The following GMDS variants were observed in gnomAD, a reference collection of about 807,000 sequenced individuals.
The protein encoded by GMDS is GDP-mannose 4,6 dehydratase.
A neutral mutation model predicts 49.9 loss-of-function variants in GMDS; 20 were observed. The observed-to-expected ratio is 0.40, with a 90% CI of 0.28 to 0.58. The LOEUF is 0.58. Ranked by LOEUF, GMDS falls within the 20% of genes least tolerant of loss-of-function variation. The probability of loss-of-function intolerance (pLI) is 0.42; values close to 1 mark genes in which losing one functional copy is unlikely to be tolerated. For missense variants in GMDS, 362 were observed against 481.4 expected (o/e 0.75, Z 2.32); for synonymous variants, 177 against 178.6 (o/e 0.99, Z 0.07).
chr6:2,159,949 T>C (rs1777309447), intron 1 of GMDS, among the ~76,000 whole-genome samples: 1 of 152,142 alleles, frequency 6.6e-6, no homozygotes, highest in Admixed American at 6.5e-5. Flanking sequence ...CTGTAATATA[T>C]AAAATATGCA....
At chr6:1,823,422 G>A (rs1042626324) in intron 7 of GMDS, among the ~76,000 whole-genome samples, 5 of 152,154 alleles carry the variant, frequency 3.3e-5, no homozygotes, top group Non-Finnish European at 7.3e-5. Flanking sequence ...AACTCATCAA[G>A]TCTAAAGTTT....
At chr6:2,235,414 T>C (rs549459693) in intron 1 of GMDS, among the ~76,000 whole-genome samples, 3 of 152,284 alleles carry the variant, frequency 2.0e-5, no homozygotes, top group East Asian at 1.9e-4. Context: ...ATTCATTCCA[T>C]ACTAAGCACC....
chr6:1,680,983 T>C (rs949206938), intron 9 of GMDS, among the ~76,000 whole-genome samples: 17 of 152,240 alleles, frequency 1.1e-4, no homozygotes, highest in Admixed American at 2.6e-4. Flanking sequence ...ACATTTACTG[T>C]TGCCTCCTCG....
intron 9 of GMDS, among the ~76,000 whole-genome samples, chr6:1,692,204 C>T (rs576824272): frequency 2.6e-5 from 4 of 152,360 alleles, no homozygotes; most frequent in South Asian, 4.1e-4. Flanking sequence ...CTTGGGCCTT[C>T]GGCCACAGAC....
chr6:2,000,035 C>A (rs1469728612), intron 4 of GMDS, among the ~76,000 whole-genome samples: 9 of 13,360 alleles, frequency 6.7e-4, no homozygotes, highest in Admixed American at 1.3e-3. Context: ...ATATCTATAT[C>A]TTTTTTTTTT....
chr6:1,812,695 G>A (rs890990374), intron 7 of GMDS, among the ~76,000 whole-genome samples: 9 of 152,230 alleles, frequency 5.9e-5, no homozygotes, highest in Middle Eastern at 6.8e-3. Flanking sequence ...CAGGGGCTGA[G>A]GAAGCTGCAG....
intron 1 of GMDS, among the ~76,000 whole-genome samples, chr6:2,129,293 T>C (rs568500743): frequency 5.6e-4 from 86 of 152,230 alleles, no homozygotes; most frequent in Non-Finnish European, 9.6e-4. Flanking sequence ...CCAACACCTA[T>C]GTACGAGGGC....
chr6:2,055,051 G>A (rs1770701071), intron 4 of GMDS, among the ~76,000 whole-genome samples: 1 of 151,986 alleles, frequency 6.6e-6, no homozygotes, highest in Admixed American at 6.6e-5. Context: ...AACATCATAC[G>A]GATATAAAAT....
chr6:1,842,737 G>A (rs1422411491), intron 7 of GMDS, among the ~76,000 whole-genome samples: 1 of 152,184 alleles, frequency 6.6e-6, no homozygotes, highest in African/African-American at 2.4e-5. Flanking sequence ...ATTTTGAGGG[G>A]TGGGGATAGG....
rs117475957 is a variant in GMDS at position 2,192,153 on chromosome 6, G to A, written c.102+53168C>T. Among the ~76,000 whole-genome samples the A allele has an allele frequency of 4.4e-4, 67 of 152,188 alleles. 1 individual carries two copies. In the East Asian group the frequency reaches 7.4e-3, roughly 17 times the overall value. ...CCCACTCTAGGGCCTCCTCTGTGCC[G>A]ACAGCTGCAGACTACAGGAGCTACC... On this transcript the variant is annotated intron_variant, in intron 1 of 10. Transcript: ENST00000380815.
chr6:1,961,512 G>A (rs1378073676), intron 4 of GMDS, among the ~76,000 whole-genome samples: 1 of 152,116 alleles, frequency 6.6e-6, no homozygotes, highest in East Asian at 1.9e-4. Flanking sequence ...GAGACACAGA[G>A]CATACAGCAA....
At chr6:2,136,654 A>G (rs1327387482) in intron 1 of GMDS, among the ~76,000 whole-genome samples, 2 of 152,218 alleles carry the variant, frequency 1.3e-5, no homozygotes, top group Non-Finnish European at 2.9e-5. Flanking sequence ...CCAGAAGGTC[A>G]AGGCTGCAGT....
At chr6:2,105,743 G>A (rs4959632) in intron 4 of GMDS, among the ~76,000 whole-genome samples, 37,220 of 152,120 alleles carry the variant, frequency 0.24, 5,538 homozygotes, top group East Asian at 0.48. Context: ...TGGAATGGGA[G>A]TAGAAAAGAA....
At chr6:2,175,420 T>G (rs1159568686) in intron 1 of GMDS, among the ~76,000 whole-genome samples, 1 of 152,162 alleles carries the variant, frequency 6.6e-6, no homozygotes, top group African/African-American at 2.4e-5. Flanking sequence ...ACCTCGGACT[T>G]GAGGTAGAAA....
Position 2,175,955 on chromosome 6 carries a change from G to A in GMDS, c.103-51224C>T, listed in dbSNP as rs139589788. 3.3e-6 allele frequency: 5 copies of A among 1,518,366 alleles called. No homozygotes were observed. In the African/African-American group the frequency reaches 5.5e-5, roughly 17 times the overall value. 94.1% of individuals were successfully genotyped at this position (1,518,366 alleles called of 1,614,324 possible). ...ACCATTTTACACATGAGGAACCAGA[G>A]GCAATGGTAACGCTCCCAACAAACT... On this transcript the variant is annotated intron_variant, in intron 1 of 10. Coordinates refer to ENST00000380815, the MANE Select transcript of GMDS (RefSeq NM_001500.4).
chr6:1,767,652 G>A (rs895742912), intron 7 of GMDS, among the ~76,000 whole-genome samples: 5 of 152,154 alleles, frequency 3.3e-5, no homozygotes, highest in Non-Finnish European at 5.9e-5. Context: ...AGTCTGGAGC[G>A]AGTTTCTCTG....
chr6:1,848,648 C>T (rs1227370093), intron 7 of GMDS, among the ~76,000 whole-genome samples: 3 of 152,174 alleles, frequency 2.0e-5, no homozygotes, highest in African/African-American at 4.8e-5. Context: ...TTGCTCTGTG[C>T]TTGAAAGAGC....
intron 8 of GMDS, among the ~76,000 whole-genome samples, chr6:1,727,664 G>A (rs569508565): frequency 6.6e-6 from 1 of 152,256 alleles, no homozygotes; most frequent in East Asian, 1.9e-4. Flanking sequence ...TTTGGAATAG[G>A]TTGAGAATTA....
At chr6:2,174,882 T>G (rs1778198796) in intron 1 of GMDS, among the ~76,000 whole-genome samples, 1 of 152,132 alleles carries the variant, frequency 6.6e-6, no homozygotes, top group Non-Finnish European at 1.5e-5. Flanking sequence ...TGGTGCCTAG[T>G]TTCTAAAGGC....
Sources: gnomAD v4.1 joint callset for allele counts (sites outside exome capture counted in the v4.1 genomes callset) on GRCh38, gnomAD v4.1.1 for gene constraint, MANE v1.5 for transcripts, NCBI Gene and HGNC (gene_info 2026-07-23, HGNC 2026-07-21) for gene names.